Variants in TRMT9B observed in about 807,000 individuals in gnomAD.
TRMT9B encodes the protein tRNA methyltransferase 9B (putative).
In TRMT9B, 16 loss-of-function variants were observed where a neutral mutation model predicts 11.5. The observed-to-expected ratio is 1.39, with a 90% CI of 0.94 to 2.11. The LOEUF is 2.11. TRMT9B is among the 30% of genes most tolerant of loss of function. The pLI, the probability that TRMT9B is intolerant of heterozygous loss-of-function variation, is 0.00. For synonymous variants in TRMT9B, 274 were observed against 192.4 expected (o/e 1.42, Z -3.51); for missense variants, 941 against 553.8 (o/e 1.70, Z -7.02).
At chr8:13,010,579 T>C in intron 3 of TRMT9B, 1 of 985,340 alleles carries the variant, frequency 1.0e-6, no homozygotes, top group Non-Finnish European at 1.2e-6. Flanking sequence ...AATCAAGAGT[T>C]CTAGGGCACT....
intron 1 of TRMT9B, chr8:12,960,255 A>C (rs1801915783): frequency 6.6e-6 from 1 of 152,236 alleles, no homozygotes; most frequent in Admixed American, 6.5e-5. Flanking sequence ...GGCAGCCTTA[A>C]GGGAAATAGT....
At chr8:12,969,357 A>G (rs377311972) in intron 1 of TRMT9B, among the ~76,000 whole-genome samples, 5 of 152,126 alleles carry the variant, frequency 3.3e-5, no homozygotes, top group African/African-American at 9.7e-5. Context: ...TGTATTGTGT[A>G]TATATAAGTA....
intron 4 of TRMT9B, among the ~76,000 whole-genome samples, chr8:13,019,041 A>G (rs1204627715): frequency 1.3e-5 from 2 of 152,212 alleles, no homozygotes; most frequent in African/African-American, 4.8e-5. Context: ...GAGAGGCTCA[A>G]GTTGCCCCTC....
intron 1 of TRMT9B, among the ~76,000 whole-genome samples, chr8:12,990,320 T>G (rs1426318188): frequency 3.3e-5 from 5 of 152,166 alleles, no homozygotes; most frequent in Admixed American, 3.3e-4. Flanking sequence ...TGGTTTTTGG[T>G]GCATTATTTT....
intron 4 of TRMT9B, among the ~76,000 whole-genome samples, chr8:13,014,536 C>A (rs950491990): frequency 3.9e-5 from 6 of 152,010 alleles, no homozygotes; most frequent in African/African-American, 1.2e-4. Context: ...GCCATTAAGC[C>A]CATAATGGGG....
At chr8:12,952,443 G>C in intron 1 of TRMT9B, 1 of 294,066 alleles carries the variant, frequency 3.4e-6, no homozygotes, top group Non-Finnish European at 6.9e-6. Context: ...GATCAAAACA[G>C]GCGAGACAGC....
At chr8:12,972,015 A>T (rs1022402376) in intron 1 of TRMT9B, among the ~76,000 whole-genome samples, 22 of 152,216 alleles carry the variant, frequency 1.4e-4, no homozygotes, top group Non-Finnish European at 8.8e-5. Context: ...TATTGTTTTC[A>T]TGTTTTGCAC....
intron 1 of TRMT9B, among the ~76,000 whole-genome samples, chr8:12,956,672 A>G (rs1198135451): frequency 6.6e-6 from 1 of 152,232 alleles, no homozygotes; most frequent in East Asian, 1.9e-4. Context: ...TAGTTCTTTC[A>G]TTAGATGAAT....
At chr8:12,988,181 T>A (rs1484692861) in intron 1 of TRMT9B, among the ~76,000 whole-genome samples, 1 of 152,124 alleles carries the variant, frequency 6.6e-6, no homozygotes, top group Non-Finnish European at 1.5e-5. Context: ...CTTTTGAACT[T>A]CCGTTTAGGT....
At chr8:12,946,144 T>C (rs180903220) in intron 1 of TRMT9B, among the ~76,000 whole-genome samples, 178 bp downstream of exon 1, 8 of 152,314 alleles carry the variant, frequency 5.3e-5, no homozygotes, top group Middle Eastern at 3.4e-3. Context: ...AAAATAATAC[T>C]TTATACAAAG....
At chr8:12,979,362 T>A (rs1451841848) in intron 1 of TRMT9B, among the ~76,000 whole-genome samples, 2 of 152,016 alleles carry the variant, frequency 1.3e-5, no homozygotes, top group African/African-American at 4.8e-5. Flanking sequence ...CACTACAGCT[T>A]CAAGAGATAA....
Position 12,975,021 on chromosome 8 carries a change from G to GT in TRMT9B, c.-199-15799dup, listed in dbSNP as rs879279883. ...CATGGTCTGTGGTCATACATAAGCA[G>GT]TTTTTTTTTTTTTTAGTTGAGATAT... On this transcript the variant is annotated intron_variant, in intron 1 of 4. Coordinates refer to ENST00000524591, the MANE Select transcript of TRMT9B (RefSeq NM_020844.3). Among the ~76,000 whole-genome samples the GT allele has an allele frequency of 4.2e-3, 596 of 143,246 alleles. 1 individual carries two copies. The highest frequency in any genetic ancestry group is 7.2e-3 in the Middle Eastern group (2 of 278). 94.0% of individuals were successfully genotyped at this position (143,246 alleles called of 152,430 possible). A position where few individuals can be genotyped will look rare whatever the true frequency, so the allele number is the denominator to read the frequency against.
chr8:12,968,137 G>A lies in TRMT9B; in HGVS notation c.-200+22171G>A, dbSNP rs756268357. On this transcript the variant is annotated intron_variant, in intron 1 of 4. Transcript: ENST00000524591. ...TGGGCTTAAGCAATCCACCCACCTC[G>A]ATCTCTCTAAGTGCTGGGATTACAG... Among the ~76,000 whole-genome samples, 279 of 152,184 alleles carry A rather than the reference G, an allele frequency of 1.8e-3. 1 individual carries two copies. Among genetic ancestry groups the A allele is most frequent in the Non-Finnish European group, 2.9e-4 (20 of 68,030 alleles).
At chr8:13,020,365 T>G (rs1302370956) in intron 4 of TRMT9B, among the ~76,000 whole-genome samples, 5 of 151,776 alleles carry the variant, frequency 3.3e-5, no homozygotes, top group Admixed American at 1.3e-4. Flanking sequence ...ATAAAGGCAG[T>G]CTTACTTGAA....
At chr8:13,004,103 G>C (rs1342235791) in intron 2 of TRMT9B, among the ~76,000 whole-genome samples, 1 of 151,962 alleles carries the variant, frequency 6.6e-6, no homozygotes, top group Non-Finnish European at 1.5e-5. Context: ...CCCACAGAGG[G>C]AGCATTTAAA....
chr8:12,990,909 A>T lies in TRMT9B; in HGVS notation c.-124A>T. 1 of 1,289,472 alleles carries T rather than the reference A, an allele frequency of 7.8e-7. No homozygotes were observed. Among genetic ancestry groups the T allele is most frequent in the Non-Finnish European group, 1.0e-6 (1 of 988,610 alleles). 79.9% of individuals were successfully genotyped at this position (1,289,472 alleles called of 1,614,324 possible). A position where few individuals can be genotyped will look rare whatever the true frequency, so the allele number is the denominator to read the frequency against. ...CCGCACTATTTCATTTCACTCCTAC[A>T]AGTTTTCATTTACGTTACACATTGA... is the stretch of plus-strand genomic sequence containing the variant. On this transcript the variant is annotated 5_prime_UTR_variant, in exon 2 of 5. Transcript: ENST00000524591.
At position 13,022,706 on chromosome 8, in the gene TRMT9B, G is replaced by T. The variant is rs1337910523; in HGVS notation, c.*662G>T. ...AGCCCAGGAGGTTTTTAAAGGCACTGTTAGGCTGAGCATGGTGGCTCATGC... is the reference window on the plus strand; with the variant it reads ...AGCCCAGGAGGTTTTTAAAGGCACTTTTAGGCTGAGCATGGTGGCTCATGC... On this transcript the variant is annotated 3_prime_UTR_variant, in exon 5 of 5. Coordinates refer to ENST00000524591, the MANE Select transcript of TRMT9B (RefSeq NM_020844.3). 5.4e-5 allele frequency: 9 copies of T among 167,100 alleles called. No homozygotes were observed. Among genetic ancestry groups the T allele is most frequent in the Non-Finnish European group, 8.8e-5 (6 of 68,148 alleles). 10.4% of individuals were successfully genotyped at this position (167,100 alleles called of 1,614,324 possible).
chr8:12,997,786 T>A (rs1452332302), intron 2 of TRMT9B, among the ~76,000 whole-genome samples: 1 of 152,206 alleles, frequency 6.6e-6, no homozygotes, highest in Non-Finnish European at 1.5e-5. Flanking sequence ...TGCTGGGCCA[T>A]AGGCTATGCA....
chr8:12,970,218 G>A (rs1020774878), intron 1 of TRMT9B: 2 of 152,200 alleles, frequency 1.3e-5, no homozygotes, highest in Non-Finnish European at 2.9e-5. Flanking sequence ...TACTTCGTTA[G>A]CTTGTAGACA....
Sources: gnomAD v4.1 joint callset for allele counts (sites outside exome capture counted in the v4.1 genomes callset) on GRCh38, gnomAD v4.1.1 for gene constraint, MANE v1.5 for transcripts, NCBI Gene and HGNC (gene_info 2026-07-23, HGNC 2026-07-21) for gene names.